Variants in PIEZO2 observed in about 807,000 individuals in gnomAD.
The protein encoded by PIEZO2 is piezo type mechanosensitive ion channel component 2, also known as piezo-type mechanosensitive ion channel component 2.
A neutral mutation model predicts 337.3 loss-of-function variants in PIEZO2; 172 were observed. The ratio of observed to expected loss-of-function variants is 0.51; its 90% CI spans 0.45 to 0.58. The LOEUF (loss-of-function observed/expected upper bound fraction) is 0.58, where lower values mean the gene tolerates loss of function less well. Among genes scored for constraint, PIEZO2 ranks in the 20% least tolerant of loss-of-function variants. The pLI is 0.00. For missense variants in PIEZO2, 3,028 were observed against 3,391.3 expected (o/e 0.89, Z 2.66); for synonymous variants, 1,251 against 1,228.5 (o/e 1.02, Z -0.38).
At chr18:10,935,268 G>T (rs1044762791) in intron 3 of PIEZO2, among the ~76,000 whole-genome samples, 2 of 152,142 alleles carry the variant, frequency 1.3e-5, no homozygotes, top group South Asian at 2.1e-4. Context: ...TGAATAGAAA[G>T]ATTTGCTTGC....
intron 2 of PIEZO2, among the ~76,000 whole-genome samples, chr18:11,037,405 A>C (rs1156307169): frequency 6.6e-6 from 1 of 152,218 alleles, no homozygotes; most frequent in African/African-American, 2.4e-5. Context: ...AAACAAGCTA[A>C]ACTAAAAAAT....
In PIEZO2 at chr18:10,934,005, T is replaced by G. The variant is rs148275575; in HGVS notation, c.287-22777A>C. ...TAATTAACCTCTGTCTGTTATAAAT[T>G]ACCAAGTCCAGGGTAAGTCTTTATT... On this transcript the variant is annotated intron_variant, in intron 3 of 55. Coordinates refer to ENST00000674853, the MANE Select transcript of PIEZO2 (RefSeq NM_001378183.1). Among the ~76,000 whole-genome samples, 16 of 152,348 alleles carry G rather than the reference T, an allele frequency of 1.1e-4. No individual in the cohort carries two copies. In the East Asian group the frequency reaches 2.9e-3, roughly 28 times the overall value.
intron 11 of PIEZO2, among the ~76,000 whole-genome samples, chr18:10,798,679 C>A (rs191419563): frequency 6.6e-6 from 1 of 152,298 alleles, no homozygotes; most frequent in South Asian, 2.1e-4. Context: ...CGTGTCAGCA[C>A]GCAAAATTCA....
intron 41 of PIEZO2, among the ~76,000 whole-genome samples, chr18:10,705,025 T>C (rs1598379716): frequency 2.0e-5 from 3 of 152,336 alleles, no homozygotes; most frequent in Middle Eastern, 6.8e-3. Flanking sequence ...TTACTGATTT[T>C]CATTTAGCAC....
chr18:10,864,893 C>T (rs1176143111), intron 5 of PIEZO2, among the ~76,000 whole-genome samples: 1 of 151,998 alleles, frequency 6.6e-6, no homozygotes, highest in Non-Finnish European at 1.5e-5. Flanking sequence ...ACAGCACAGC[C>T]CCAGGAGGAC....
At chr18:11,135,769 AT>A (rs2040466224) in intron 1 of PIEZO2, among the ~76,000 whole-genome samples, 1 of 152,224 alleles carries the variant, frequency 6.6e-6, no homozygotes, top group Non-Finnish European at 1.5e-5. Context: ...GATGGTCTCA[AT>A]CTCCTGACCT....
chr18:11,014,322 G>A (rs117868684), intron 2 of PIEZO2, among the ~76,000 whole-genome samples: 12 of 58,872 alleles, frequency 2.0e-4, no homozygotes, highest in African/African-American at 3.7e-4. Context: ...ACAGCGATCC[G>A]GGGCTCCCTC....
At chr18:10,901,291 C>T (rs1264084063) in intron 4 of PIEZO2, among the ~76,000 whole-genome samples, 2 of 152,104 alleles carry the variant, frequency 1.3e-5, no homozygotes, top group East Asian at 1.9e-4. Flanking sequence ...ATCAGAGACC[C>T]TCAGGGTTTT....
intron 2 of PIEZO2, among the ~76,000 whole-genome samples, chr18:11,059,246 C>A (rs2037848140): frequency 1.3e-5 from 2 of 152,090 alleles, no homozygotes; most frequent in South Asian, 2.1e-4. Context: ...TACAAGAGCT[C>A]CTGAAGGAAG....
intron 21 of PIEZO2, among the ~76,000 whole-genome samples, chr18:10,768,303 G>C (rs1320428639): frequency 6.6e-6 from 1 of 152,208 alleles, no homozygotes; most frequent in Non-Finnish European, 1.5e-5. Context: ...TCAGGGACAC[G>C]GAGGAAAGTT....
At chr18:10,971,661 G>A (rs1488317882) in intron 3 of PIEZO2, among the ~76,000 whole-genome samples, 5 of 152,198 alleles carry the variant, frequency 3.3e-5, no homozygotes, top group South Asian at 2.1e-4. Context: ...AGTCACTTCC[G>A]GCCATTCATA....
chr18:10,763,094 G>A lies in PIEZO2; in HGVS notation c.2951C>T (p.Ser984Phe). ...YIIWVSVKEV[S>F]LFNYVFLISW... ...AATCAAAAATACATAGTTGAACAGA[G>A]ACACCTGAAAACGTAAAACCAGAAA... The change falls in exon 22 of 56, where the codon TCT becomes TTT. Residue 984 changes from serine (S) to phenylalanine (F), a missense_variant. Ser to Phe is a radical substitution (Grantham distance 155). This residue lies in a region of PIEZO2 where 1,925 missense variants were observed against 2,051.9 expected (regional missense o/e 0.94). Coordinates refer to ENST00000674853, the MANE Select transcript of PIEZO2 (RefSeq NM_001378183.1). 1 of 1,536,544 alleles carries A rather than the reference G, an allele frequency of 6.5e-7. No individual in the cohort carries two copies. The highest frequency in any genetic ancestry group is 8.7e-7 in the Non-Finnish European group (1 of 1,146,718).
chr18:10,938,362 G>A lies in PIEZO2; in HGVS notation c.287-27134C>T, dbSNP rs138866413. 8.7e-4 allele frequency among the ~76,000 whole-genome samples: 133 copies of A among 152,258 alleles called. 1 individual carries two copies. The highest frequency in any genetic ancestry group is 1.4e-3 in the Non-Finnish European group (92 of 68,030). ...GTACTAAATAAAAGCTAATATATTA[G>A]GCATCTAATAGGTATTAATAGCAGC... On this transcript the variant is annotated intron_variant, in intron 3 of 55. Transcript: ENST00000674853.
At chr18:10,807,340 A>G in intron 7 of PIEZO2, 66 bp from the exon 8 acceptor site, 2 of 1,424,412 alleles carry the variant, frequency 1.4e-6, no homozygotes, top group Non-Finnish European at 1.9e-6. Context: ...CATTGAATAA[A>G]AGTACTTTGT....
At chr18:10,915,255 G>C (rs1171322864) in intron 3 of PIEZO2, among the ~76,000 whole-genome samples, 1 of 136,446 alleles carries the variant, frequency 7.3e-6, no homozygotes, top group Non-Finnish European at 1.6e-5. Context: ...GTGTGCAGAG[G>C]GAAGCAGGGA....
At chr18:10,823,132 T>C (rs539962707) in intron 7 of PIEZO2, among the ~76,000 whole-genome samples, 7 of 152,230 alleles carry the variant, frequency 4.6e-5, no homozygotes, top group Non-Finnish European at 1.0e-4. Context: ...TAGGTAGAAG[T>C]AGAGAGCTTG....
chr18:10,731,217 A>ATC (rs1567995838), intron 36 of PIEZO2, among the ~76,000 whole-genome samples, 190 bp downstream of exon 36: 13 of 128,800 alleles, frequency 1.0e-4, no homozygotes, highest in Admixed American at 4.2e-4. Context: ...ATATATATAT[A>ATC]TCTCCTAACT....
chr18:10,672,680 G>C lies in PIEZO2; in HGVS notation c.8345+10C>G. On this transcript the variant is annotated intron_variant, in intron 55 of 55. Coordinates refer to ENST00000674853, the MANE Select transcript of PIEZO2 (RefSeq NM_001378183.1). This position sits in a 1 kb window ranked among gnomAD's most constrained non-coding sequence, Gnocchi z 4.7. ...CTCTTGTAACTGTGAATTGTTCAAT[G>C]AGTCCTTACCCATAGCCAGCCAGGA... is the stretch of plus-strand genomic sequence containing the variant. 1 of 1,607,752 alleles carries C rather than the reference G, an allele frequency of 6.2e-7. No individual in the cohort carries two copies. Among genetic ancestry groups the C allele is most frequent in the Non-Finnish European group, 8.5e-7 (1 of 1,178,444 alleles).
intron 43 of PIEZO2, among the ~76,000 whole-genome samples, chr18:10,701,160 A>G (rs112713341): frequency 0.01 from 1,580 of 152,376 alleles, 30 homozygotes; most frequent in African/African-American, 0.035. Context: ...AATTTAAAAT[A>G]TTTTATATAA....
Sources: gnomAD v4.1 joint callset for allele counts (sites outside exome capture counted in the v4.1 genomes callset) on GRCh38, gnomAD v4.1.1 for gene constraint, gnomAD v4.1.1 regional missense constraint, Gnocchi (gnomAD v3.1) non-coding constraint, MANE v1.5 for transcripts, NCBI Gene and HGNC (gene_info 2026-07-23, HGNC 2026-07-21) for gene names.